Variants in SYT14 observed in about 807,000 individuals in gnomAD.
SYT14 encodes the protein synaptotagmin-14.
In SYT14, 32 loss-of-function variants were observed where a neutral mutation model predicts 74.2. The observed-to-expected ratio is 0.43, with a 90% CI of 0.33 to 0.58. SYT14 has a LOEUF of 0.58. Ranked by LOEUF, SYT14 falls within the 20% of genes least tolerant of loss-of-function variation. The probability of loss-of-function intolerance (pLI) is 0.05; values close to 1 mark genes in which losing one functional copy is unlikely to be tolerated. For synonymous variants in SYT14, 298 were observed against 337.7 expected, an observed-to-expected ratio of 0.88 and a Z score of 1.29; for missense variants, 791 against 981.8, an observed-to-expected ratio of 0.81 and a Z score of 2.60.
intron 5 of SYT14, among the ~76,000 whole-genome samples, chr1:210,029,328 C>T (rs1026501042): frequency 3.9e-5 from 6 of 152,032 alleles, no homozygotes; most frequent in African/African-American, 1.4e-4. Context: ...GATGTCATAT[C>T]CAAGAAATCT....
chr1:209,997,078 ACT>A (rs1278094558), intron 2 of SYT14, among the ~76,000 whole-genome samples: 1 of 151,752 alleles, frequency 6.6e-6, no homozygotes, highest in Admixed American at 6.6e-5. Flanking sequence ...TACTCTTAAC[ACT>A]CTTCTTCAAC....
chr1:209,987,044 C>G (rs1412984187), intron 2 of SYT14, among the ~76,000 whole-genome samples: 1 of 152,208 alleles, frequency 6.6e-6, no homozygotes, highest in Non-Finnish European at 1.5e-5. Context: ...TTGTCATTTC[C>G]ATCTGAGAAC....
At chr1:209,970,124 C>T (rs2079223762) in intron 2 of SYT14, among the ~76,000 whole-genome samples, 1 of 152,108 alleles carries the variant, frequency 6.6e-6, no homozygotes, top group Admixed American at 6.6e-5. Flanking sequence ...GGGTCTCAGT[C>T]ATGAATTCTT....
chr1:210,094,449 A>G, exon 6 of SYT14: 1 of 1,613,936 alleles, frequency 6.2e-7, no homozygotes, highest in Non-Finnish European at 8.5e-7. Context: ...GTAAATGTGA[A>G]TTTTCCCACT....
chr1:210,023,982 T>A (rs753896439), intron 5 of SYT14, among the ~76,000 whole-genome samples: 1 of 152,136 alleles, frequency 6.6e-6, no homozygotes, highest in Non-Finnish European at 1.5e-5. Context: ...ACTATCTGTA[T>A]ACATTAATCA....
chr1:210,035,250 T>C (rs577430215), intron 5 of SYT14, among the ~76,000 whole-genome samples: 1 of 152,068 alleles, frequency 6.6e-6, no homozygotes, highest in Non-Finnish European at 1.5e-5. Flanking sequence ...GCCCACTTTT[T>C]AATAGGGTTA....
chr1:209,976,602 C>A (rs2079369741), intron 2 of SYT14, among the ~76,000 whole-genome samples: 1 of 151,450 alleles, frequency 6.6e-6, no homozygotes. Flanking sequence ...TTTACATTTG[C>A]TGAGGAGTCC....
chr1:210,106,026 G>A (rs958622547), intron 7 of SYT14, among the ~76,000 whole-genome samples: 1 of 152,168 alleles, frequency 6.6e-6, no homozygotes. Flanking sequence ...AATTGCCCAG[G>A]TATGTCTTTT....
intron 7 of SYT14, among the ~76,000 whole-genome samples, chr1:210,141,267 C>G (rs1415078713): frequency 1.3e-5 from 2 of 152,046 alleles, no homozygotes; most frequent in African/African-American, 2.4e-5. Flanking sequence ...AAATACATTC[C>G]TAAGTATTCT....
intron 7 of SYT14, among the ~76,000 whole-genome samples, chr1:210,105,496 A>G (rs868847200): frequency 2.6e-5 from 4 of 152,332 alleles, no homozygotes; most frequent in African/African-American, 9.6e-5. Flanking sequence ...TTGTATAAGG[A>G]GGAAGTAAAC....
At chr1:210,006,622 C>T (rs921678938) in intron 2 of SYT14, among the ~76,000 whole-genome samples, 2 of 151,800 alleles carry the variant, frequency 1.3e-5, no homozygotes, top group Non-Finnish European at 2.9e-5. Flanking sequence ...CCCAGCAGGA[C>T]AAATCAGCAA....
chr1:210,048,437 A>G (rs1422105807), intron 5 of SYT14, among the ~76,000 whole-genome samples: 1 of 152,194 alleles, frequency 6.6e-6, no homozygotes, highest in East Asian at 1.9e-4. Context: ...CACATCTTAC[A>G]TGGTGGCAGA....
chr1:209,968,017 A>G (rs1038431693), intron 2 of SYT14, among the ~76,000 whole-genome samples: 1 of 152,286 alleles, frequency 6.6e-6, no homozygotes, highest in South Asian at 2.1e-4. Flanking sequence ...ACTAACTATA[A>G]TATAACTGAG....
At chr1:210,089,959 C>G (rs112540738) in intron 5 of SYT14, among the ~76,000 whole-genome samples, 47 of 152,312 alleles carry the variant, frequency 3.1e-4, no homozygotes, top group African/African-American at 1.1e-3. Context: ...CCATTGGTTA[C>G]TTGGCTACAT....
intron 2 of SYT14, among the ~76,000 whole-genome samples, chr1:209,992,088 T>C (rs2079699367): frequency 1.3e-5 from 2 of 152,166 alleles, no homozygotes; most frequent in African/African-American, 2.4e-5. Flanking sequence ...ATGGCAAAGA[T>C]ATGGAATCAA....
chr1:210,050,985 G>A (rs2080983391), intron 5 of SYT14, among the ~76,000 whole-genome samples: 1 of 152,206 alleles, frequency 6.6e-6, no homozygotes, highest in Non-Finnish European at 1.5e-5. Flanking sequence ...TAGAAATGAA[G>A]ATCTAGGTGT....
At chr1:210,127,367 A>G (rs1198272090) in intron 7 of SYT14, among the ~76,000 whole-genome samples, 1 of 152,206 alleles carries the variant, frequency 6.6e-6, no homozygotes, top group African/African-American at 2.4e-5. Context: ...TGACAGTGTA[A>G]GTATGGCTGT....
At chr1:210,165,373 G>A (rs1028439691) in exon 10 of SYT14, 10 of 152,194 alleles carry the variant, frequency 6.6e-5, no homozygotes, top group Non-Finnish European at 1.0e-4. Flanking sequence ...CAGGACACAA[G>A]TGGTGGTACT....
chr1:210,122,925 A>C (rs2102616136), intron 7 of SYT14, among the ~76,000 whole-genome samples: 1 of 152,326 alleles, frequency 6.6e-6, no homozygotes, highest in Non-Finnish European at 1.5e-5. Context: ...TCTCTTTTAC[A>C]TCTTACTTAA....
Sources: gnomAD v4.1 joint callset for allele counts (sites outside exome capture counted in the v4.1 genomes callset) on GRCh38, gnomAD v4.1.1 for gene constraint, MANE v1.5 for transcripts, NCBI Gene and HGNC (gene_info 2026-07-23, HGNC 2026-07-21) for gene names.